Variants in RUNX2 observed in about 807,000 individuals in gnomAD.
RUNX2 encodes RUNX family transcription factor 2.
RUNX2 carries 10 observed loss-of-function variants against 51.7 expected under a neutral mutation model. The observed-to-expected ratio is 0.19, with a 90% CI of 0.12 to 0.33. The LOEUF (loss-of-function observed/expected upper bound fraction) is 0.33, where lower values mean the gene tolerates loss of function less well. Ranked by LOEUF, RUNX2 falls within the 10% of genes least tolerant of loss-of-function variation. The probability of loss-of-function intolerance (pLI) is 1.00; values close to 1 mark genes in which losing one functional copy is unlikely to be tolerated. For missense variants in RUNX2, 562 were observed against 691.3 expected, an observed-to-expected ratio of 0.81 and a Z score of 2.10; for synonymous variants, 276 against 273.6, an observed-to-expected ratio of 1.01 and a Z score of -0.09.
intron 5 of RUNX2, among the ~76,000 whole-genome samples, chr6:45,463,332 CAG>C (rs1272323558): frequency 6.6e-6 from 1 of 152,190 alleles, no homozygotes; most frequent in African/African-American, 2.4e-5. Flanking sequence ...ATATTAAAAA[CAG>C]AATGAATTGA....
intron 3 of RUNX2, among the ~76,000 whole-genome samples, chr6:45,424,044 AAGGTGGTGAG>A (rs1798313931): frequency 1.3e-5 from 2 of 152,244 alleles, no homozygotes; most frequent in South Asian, 4.1e-4. Context: ...CTGCTTCTGA[AAGGTGGTGAG>A]AGGCTCCTGC....
intron 2 of RUNX2, among the ~76,000 whole-genome samples, chr6:45,333,420 G>A (rs1395571796): frequency 6.6e-6 from 1 of 151,394 alleles, no homozygotes. Context: ...ACTGTATACA[G>A]TATCTTCACT....
At chr6:45,411,678 G>A (rs1240924567) in intron 2 of RUNX2, among the ~76,000 whole-genome samples, 1 of 152,016 alleles carries the variant, frequency 6.6e-6, no homozygotes, top group East Asian at 1.9e-4. Flanking sequence ...ATCAGCATCA[G>A]AGAAGCCATA....
chr6:45,440,212 C>A (rs1236891542), intron 5 of RUNX2, among the ~76,000 whole-genome samples: 1 of 152,176 alleles, frequency 6.6e-6, no homozygotes, highest in Admixed American at 6.5e-5. Context: ...CTGCTTTGAG[C>A]GACAGCTGAA....
chr6:45,432,635 T>C lies in RUNX2; in HGVS notation c.580+616T>C, dbSNP rs185230499. ...CTCTAATATTAATAGTTCCATACTA[T>C]GTAAGGATTCCCATCATCTGAATCC... On this transcript the variant is annotated intron_variant, in intron 4 of 8. Coordinates refer to ENST00000647337, the MANE Select transcript of RUNX2 (RefSeq NM_001024630.4). Among the ~76,000 whole-genome samples, 7 of 152,316 alleles carry C rather than the reference T, an allele frequency of 4.6e-5. No individual in the cohort carries two copies. In the East Asian group the frequency reaches 1.2e-3, roughly 25 times the overall value.
At chr6:45,457,635 G>A (rs1718898323) in intron 5 of RUNX2, among the ~76,000 whole-genome samples, 1 of 152,146 alleles carries the variant, frequency 6.6e-6, no homozygotes, top group African/African-American at 2.4e-5. Flanking sequence ...AATGCAATTT[G>A]AATTATTATT....
At chr6:45,532,396 T>C (rs75517159) in intron 7 of RUNX2, among the ~76,000 whole-genome samples, 2,409 of 152,114 alleles carry the variant, frequency 0.016, 93 homozygotes, top group African/African-American at 0.055. Context: ...CTCTTTTTAC[T>C]GACAAGGAAT....
rs531335918 is a variant in RUNX2 at position 45,352,480 on chromosome 6, GGTATGACA to G, written c.58+23698_58+23705del. Among the ~76,000 whole-genome samples, 632 of 151,990 alleles carry G rather than the reference GGTATGACA, an allele frequency of 4.2e-3. 3 individuals carry two copies. Among genetic ancestry groups the G allele is most frequent in the Non-Finnish European group, 7.1e-3 (482 of 67,926 alleles). On this transcript the variant is annotated intron_variant, in intron 2 of 8. Transcript: ENST00000647337. Reference sequence around the variant, plus strand: ...AGAAGGTGAAACATTGCTGGAGTCTGGTATGACAGCAACAAAATTACCAGCCAAGGGGA... The same window carrying G: ...AGAAGGTGAAACATTGCTGGAGTCTGGCAACAAAATTACCAGCCAAGGGGA...
At chr6:45,542,579 A>G (rs985310697) in intron 7 of RUNX2, among the ~76,000 whole-genome samples, 2 of 152,242 alleles carry the variant, frequency 1.3e-5, no homozygotes, top group African/African-American at 4.8e-5. Flanking sequence ...CTAATTGCCC[A>G]TTATTTAGCA....
intron 2 of RUNX2, among the ~76,000 whole-genome samples, chr6:45,382,816 T>C (rs1014805184): frequency 3.9e-5 from 6 of 152,214 alleles, no homozygotes; most frequent in Non-Finnish European, 8.8e-5. Flanking sequence ...CCTATTGCAG[T>C]AACCCAGGCA....
intron 6 of RUNX2, among the ~76,000 whole-genome samples, chr6:45,493,636 C>A (rs1156600555): frequency 6.6e-6 from 1 of 151,366 alleles, no homozygotes; most frequent in Non-Finnish European, 1.5e-5. Flanking sequence ...ATACTTATAC[C>A]CCCTAAATAT....
At chr6:45,330,023 A>G (rs1020749510) in intron 2 of RUNX2, among the ~76,000 whole-genome samples, 1 of 151,824 alleles carries the variant, frequency 6.6e-6, no homozygotes, top group African/African-American at 2.4e-5. Flanking sequence ...CTACTAGAGG[A>G]TCAGTCTCAG....
At chr6:45,448,219 A>T (rs1799058914) in intron 5 of RUNX2, among the ~76,000 whole-genome samples, 1 of 152,184 alleles carries the variant, frequency 6.6e-6, no homozygotes, top group Admixed American at 6.5e-5. Context: ...CACTTTTGCC[A>T]TGGGCAGGCA....
chr6:45,343,228 A>G (rs921330314), intron 2 of RUNX2, among the ~76,000 whole-genome samples: 2 of 152,116 alleles, frequency 1.3e-5, no homozygotes, highest in East Asian at 1.9e-4. Context: ...GCAGAATCTC[A>G]GCCGGGTGCA....
At chr6:45,375,168 T>C (rs187550477) in intron 2 of RUNX2, among the ~76,000 whole-genome samples, 2 of 152,294 alleles carry the variant, frequency 1.3e-5, no homozygotes, top group Non-Finnish European at 2.9e-5. Flanking sequence ...GATCGCACCA[T>C]TGTACTCCAA....
intron 7 of RUNX2, among the ~76,000 whole-genome samples, chr6:45,513,022 C>T (rs1801206025): frequency 6.6e-6 from 1 of 152,128 alleles, no homozygotes; most frequent in Non-Finnish European, 1.5e-5. Flanking sequence ...GCCCGGCAGC[C>T]CAGTGCTCAC....
At chr6:45,359,793 C>T (rs896314556) in intron 2 of RUNX2, among the ~76,000 whole-genome samples, 2 of 152,152 alleles carry the variant, frequency 1.3e-5, no homozygotes, top group Non-Finnish European at 2.9e-5. Context: ...CTTCTAATCC[C>T]AACCCTTTGG....
At chr6:45,427,170 A>T (rs1258041474) in intron 3 of RUNX2, among the ~76,000 whole-genome samples, 1 of 152,116 alleles carries the variant, frequency 6.6e-6, no homozygotes, top group East Asian at 1.9e-4. Flanking sequence ...AAAGAATTTC[A>T]GGTGGAAAAT....
chr6:45,470,971 A>C (rs1290375421), intron 5 of RUNX2, among the ~76,000 whole-genome samples: 1 of 152,202 alleles, frequency 6.6e-6, no homozygotes, highest in Non-Finnish European at 1.5e-5. Flanking sequence ...TCAAGGCCCC[A>C]AATTTGAGAT....
Sources: gnomAD v4.1 joint callset for allele counts (sites outside exome capture counted in the v4.1 genomes callset) on GRCh38, gnomAD v4.1.1 for gene constraint, MANE v1.5 for transcripts, NCBI Gene and HGNC (gene_info 2026-07-23, HGNC 2026-07-21) for gene names.